TYW1: variants seen among roughly 807,000 people sequenced by gnomAD.
The protein encoded by TYW1 is tRNA-yW synthesizing protein 1 homolog.
A neutral mutation model predicts 96.2 loss-of-function variants in TYW1; 46 were observed. The ratio of observed to expected loss-of-function variants is 0.48; its 90% CI spans 0.38 to 0.61. TYW1 has a LOEUF of 0.61. Among genes scored for constraint, TYW1 ranks in the 20% least tolerant of loss-of-function variants. TYW1 has a pLI of 0.00. For synonymous variants in TYW1, 274 were observed against 323.0 expected (o/e 0.85, Z 1.63); for missense variants, 684 against 909.6 (o/e 0.75, Z 3.19).
chr7:67,019,545 C>T (rs989133855), intron 6 of TYW1, among the ~76,000 whole-genome samples: 1 of 152,284 alleles, frequency 6.6e-6, no homozygotes, highest in Admixed American at 6.5e-5. Flanking sequence ...CCAGGCTAGT[C>T]TCTAACTCCT....
chr7:67,199,881 G>A (rs1438037652), intron 15 of TYW1, among the ~76,000 whole-genome samples: 3 of 151,858 alleles, frequency 2.0e-5, no homozygotes, highest in Admixed American at 6.6e-5. Flanking sequence ...CAGCCTGGGC[G>A]ACAGAGCGAG....
intron 15 of TYW1, among the ~76,000 whole-genome samples, chr7:67,196,982 C>T (rs887513959): frequency 6.6e-6 from 1 of 152,216 alleles, no homozygotes; most frequent in Non-Finnish European, 1.5e-5. Context: ...TACACTACCA[C>T]TTGTTAACTA....
At chr7:67,168,123 A>G (rs1799407146) in intron 13 of TYW1, among the ~76,000 whole-genome samples, 1 of 138,862 alleles carries the variant, frequency 7.2e-6, no homozygotes, top group African/African-American at 2.8e-5. Flanking sequence ...TTATGTGACT[A>G]TTATCAATGG....
intron 13 of TYW1, among the ~76,000 whole-genome samples, chr7:67,137,647 G>A (rs185869032): frequency 6.6e-6 from 1 of 152,260 alleles, no homozygotes; most frequent in East Asian, 1.9e-4. Flanking sequence ...GGGAGGTGTG[G>A]TTGGGTGACT....
rs1183908061 is a variant in TYW1 at position 67,238,939 on chromosome 7, A to G, written c.*410A>G. ...AGATTTCATGGAGCAGCCACTTAGC[A>G]TTGAATTGCACTACCCTGAGCTAAA... On this transcript the variant is annotated 3_prime_UTR_variant, in exon 16 of 16. Coordinates refer to ENST00000359626, the MANE Select transcript of TYW1 (RefSeq NM_018264.4). The G allele has an allele frequency of 1.2e-5, 12 of 1,039,212 alleles. No individual in the cohort carries two copies. The East Asian group carries it at 9.3e-4, about 80-fold the overall frequency. The allele number at this position is 1,039,212 out of a possible 1,614,324, so 64.4% of individuals were successfully genotyped here.
intron 13 of TYW1, among the ~76,000 whole-genome samples, chr7:67,141,927 C>G (rs1227948184): frequency 1.3e-5 from 2 of 152,028 alleles, no homozygotes; most frequent in African/African-American, 4.8e-5. Flanking sequence ...CCCAGCTACT[C>G]GGGAGGCTGA....
At chr7:67,020,907 A>G (rs1294336962) in intron 6 of TYW1, among the ~76,000 whole-genome samples, 1 of 152,278 alleles carries the variant, frequency 6.6e-6, no homozygotes, top group Non-Finnish European at 1.5e-5. Flanking sequence ...AGGCACCTGT[A>G]ATCCCAGCTA....
At chr7:67,043,788 G>A (rs889748444) in intron 7 of TYW1, among the ~76,000 whole-genome samples, 5 of 152,042 alleles carry the variant, frequency 3.3e-5, no homozygotes, top group Admixed American at 6.6e-5. Flanking sequence ...ATAGAATTAC[G>A]GTGTCAGAGT....
At chr7:67,084,007 C>A (rs1157983641) in intron 11 of TYW1, among the ~76,000 whole-genome samples, 1 of 152,166 alleles carries the variant, frequency 6.6e-6, no homozygotes, top group Admixed American at 6.5e-5. Flanking sequence ...TCCACTCCAA[C>A]CTGGGCAAAA....
intron 15 of TYW1, among the ~76,000 whole-genome samples, chr7:67,196,753 C>T (rs4433024): frequency 0.28 from 42,734 of 150,226 alleles, 6,750 homozygotes; most frequent in African/African-American, 0.42. Context: ...TAATTTTAGT[C>T]TAATCCTTTA....
At chr7:67,103,838 T>C (rs1797162027) in intron 12 of TYW1, among the ~76,000 whole-genome samples, 1 of 152,202 alleles carries the variant, frequency 6.6e-6, no homozygotes. Context: ...TTGCTGAGCC[T>C]CTTGCAGCCA....
chr7:67,106,696 A>G (rs1198880962), intron 12 of TYW1, among the ~76,000 whole-genome samples: 2 of 152,196 alleles, frequency 1.3e-5, no homozygotes, highest in Admixed American at 1.3e-4. Context: ...TCTTATTTTC[A>G]TATTTAGTCC....
chr7:67,037,997 T>C (rs1424246120), intron 7 of TYW1, among the ~76,000 whole-genome samples: 1 of 152,266 alleles, frequency 6.6e-6, no homozygotes, highest in East Asian at 1.9e-4. Flanking sequence ...AGTCCTGATA[T>C]GACATTCAAA....
At chr7:67,203,242 G>C (rs1253180480) in intron 15 of TYW1, among the ~76,000 whole-genome samples, 1 of 152,196 alleles carries the variant, frequency 6.6e-6, no homozygotes, top group African/African-American at 2.4e-5. Flanking sequence ...GACGATAATA[G>C]AGCCACTTCG....
At chr7:67,058,186 G>A (rs564784729) in intron 9 of TYW1, among the ~76,000 whole-genome samples, 2 of 152,122 alleles carry the variant, frequency 1.3e-5, no homozygotes, top group Admixed American at 1.3e-4. Flanking sequence ...TACCCGCCTT[G>A]GCCTCCCAAA....
chr7:67,117,980 G>A (rs1432356040), intron 13 of TYW1, among the ~76,000 whole-genome samples: 1 of 152,136 alleles, frequency 6.6e-6, no homozygotes, highest in East Asian at 1.9e-4. Context: ...AAGATTGGTC[G>A]TAGGACTCCC....
At chr7:67,210,880 C>T (rs1190103240) in intron 15 of TYW1, among the ~76,000 whole-genome samples, 1 of 149,020 alleles carries the variant, frequency 6.7e-6, no homozygotes, top group African/African-American at 2.5e-5. Flanking sequence ...ATCTATCCAT[C>T]TGTCCATCCA....
In TYW1 at chr7:67,146,365, C is replaced by G. The variant is rs149197725; in HGVS notation, c.1698+28747C>G. Reference sequence around the variant, plus strand: ...GAACTGTCCAAACTGTATTCATTCACTCAACAAATATTTATTGAGTGCTTA... The same window carrying G: ...GAACTGTCCAAACTGTATTCATTCAGTCAACAAATATTTATTGAGTGCTTA... On this transcript the variant is annotated intron_variant, in intron 13 of 15. Transcript: ENST00000359626. 1.9e-3 allele frequency among the ~76,000 whole-genome samples: 286 copies of G among 151,940 alleles called. 1 individual carries two copies. The highest frequency in any genetic ancestry group is 6.6e-3 in the African/African-American group (273 of 41,340).
rs184910529 is a variant in TYW1, at chr7:67,112,920, C to T, written c.1563-4563C>T. On this transcript the variant is annotated intron_variant, in intron 12 of 15. Transcript: ENST00000359626. ...ACTGGCTACATAAAACTTCAGTAAG[C>T]CAAACCTAACCCTGGCAGGACATGA... Among the ~76,000 whole-genome samples, 45 of 152,262 alleles carry T rather than the reference C, an allele frequency of 3.0e-4. 1 individual carries two copies. Among genetic ancestry groups the T allele is most frequent in the African/African-American group, 1.0e-3 (42 of 41,546 alleles).
Sources: allele counts gnomAD v4.1 joint callset (sites outside exome capture counted in the v4.1 genomes callset), GRCh38; gene constraint gnomAD v4.1.1; transcripts MANE v1.5; gene names NCBI Gene and HGNC (gene_info 2026-07-23, HGNC 2026-07-21).